The following PRDM5 variants were observed in gnomAD, a reference collection of about 807,000 sequenced individuals.
PRDM5 encodes the protein PR domain zinc finger protein 5.
PRDM5 carries 56 observed loss-of-function variants against 81.2 expected under a neutral mutation model. The ratio of observed to expected loss-of-function variants is 0.69; its 90% confidence interval spans 0.56 to 0.86. PRDM5 has a LOEUF of 0.86. Among genes scored for constraint, PRDM5 ranks in the 40% least tolerant of loss-of-function variants. PRDM5 has a pLI of 0.00. For synonymous variants in PRDM5, 267 were observed against 256.4 expected (o/e 1.04, Z -0.39); for missense variants, 697 against 770.1 (o/e 0.91, Z 1.12).
intron 14 of PRDM5, among the ~76,000 whole-genome samples, chr4:120,721,102 G>A (rs866697051): frequency 5.3e-5 from 8 of 152,168 alleles, no homozygotes; most frequent in African/African-American, 1.9e-4. Flanking sequence ...GCATAGAGGT[G>A]TTAAAAGAGC....
chr4:120,700,923 G>C (rs1007054279), intron 15 of PRDM5, among the ~76,000 whole-genome samples: 1 of 152,068 alleles, frequency 6.6e-6, no homozygotes, highest in South Asian at 2.1e-4. Context: ...TTAGGAGATC[G>C]AGACCAGCCT....
At chr4:120,731,194 G>A (rs1314397517) in intron 14 of PRDM5, among the ~76,000 whole-genome samples, 1 of 152,088 alleles carries the variant, frequency 6.6e-6, no homozygotes, top group Non-Finnish European at 1.5e-5. Flanking sequence ...CGCCCACCAT[G>A]AGCAAGAGAT....
At chr4:120,781,065 A>G in intron 12 of PRDM5, 78 bp downstream of exon 12, 2 of 1,193,052 alleles carry the variant, frequency 1.7e-6, no homozygotes. Flanking sequence ...ATATATAATT[A>G]TCACATGTTA....
intron 15 of PRDM5, among the ~76,000 whole-genome samples, chr4:120,704,823 G>A (rs1268163529): frequency 6.6e-6 from 1 of 152,144 alleles, no homozygotes; most frequent in Admixed American, 6.5e-5. Context: ...CTAAGCGGGG[G>A]AATGATATGA....
chr4:120,837,012 C>T (rs1313628906), intron 3 of PRDM5, among the ~76,000 whole-genome samples: 1 of 152,152 alleles, frequency 6.6e-6, no homozygotes, highest in Non-Finnish European at 1.5e-5. Context: ...TTCTACCCAC[C>T]TGCCTATCAA....
intron 14 of PRDM5, among the ~76,000 whole-genome samples, chr4:120,711,876 T>C (rs1737042177): frequency 6.6e-6 from 1 of 152,218 alleles, no homozygotes; most frequent in Non-Finnish European, 1.5e-5. Flanking sequence ...TATTATTCCA[T>C]TCCAACAGCT....
intron 14 of PRDM5, among the ~76,000 whole-genome samples, chr4:120,747,688 A>C (rs1743342907): frequency 6.6e-6 from 1 of 152,196 alleles, no homozygotes; most frequent in Admixed American, 6.5e-5. Context: ...CAGGGATAAG[A>C]AAGTTCATGA....
chr4:120,743,429 C>A (rs374752838), intron 14 of PRDM5, among the ~76,000 whole-genome samples: 18 of 149,164 alleles, frequency 1.2e-4, no homozygotes, highest in Admixed American at 4.7e-4. Flanking sequence ...ACACATAACA[C>A]TATTAACTTT....
intron 13 of PRDM5, among the ~76,000 whole-genome samples, chr4:120,764,689 C>T (rs1224708261): frequency 1.3e-5 from 2 of 152,066 alleles, no homozygotes; most frequent in Non-Finnish European, 2.9e-5. Flanking sequence ...ACATGCAGTT[C>T]AAGACTTTGC....
rs1275873998 is a variant in PRDM5 at position 120,692,420 on chromosome 4, C to G, written c.*2691G>C. The G allele has an allele frequency of 2.0e-5, 3 of 152,000 alleles. No homozygotes were observed. In the South Asian group the frequency reaches 6.2e-4, roughly 32 times the overall value. The allele number at this position is 152,000 out of a possible 1,614,324, so 9.4% of individuals were successfully genotyped here. A position where few individuals can be genotyped will look rare whatever the true frequency, so the allele number is the denominator to read the frequency against. On this transcript the variant is annotated 3_prime_UTR_variant, in exon 16 of 16. Transcript: ENST00000264808. ...ATAACATGTTAACTATACTATGTAA[C>G]CCCAAGAATTTATCACCAAGAATAC...
intron 10 of PRDM5, 53 bp downstream of exon 10, chr4:120,798,214 A>G (rs2149282611): frequency 7.4e-7 from 1 of 1,358,544 alleles, no homozygotes; most frequent in Non-Finnish European, 1.0e-6. Flanking sequence ...ATAAAAATTG[A>G]AAATCACAGC....
chr4:120,751,077 C>T (rs1743933416), intron 14 of PRDM5, among the ~76,000 whole-genome samples: 1 of 151,770 alleles, frequency 6.6e-6, no homozygotes. Flanking sequence ...AGGGTCTTAC[C>T]CTGTCATTTA....
chr4:120,855,811 A>G (rs1759813721), intron 2 of PRDM5, among the ~76,000 whole-genome samples: 1 of 152,206 alleles, frequency 6.6e-6, no homozygotes, highest in South Asian at 2.1e-4. Flanking sequence ...ACACAAGCTA[A>G]CTAACTTTGT....
intron 14 of PRDM5, among the ~76,000 whole-genome samples, chr4:120,728,454 T>A (rs1053910924): frequency 3.3e-5 from 5 of 152,228 alleles, no homozygotes; most frequent in African/African-American, 9.6e-5. Context: ...TATATACATA[T>A]ATATATTTTT....
intron 3 of PRDM5, among the ~76,000 whole-genome samples, chr4:120,835,417 A>G (rs938642794): frequency 4.6e-5 from 7 of 152,316 alleles, no homozygotes; most frequent in East Asian, 1.9e-4. Context: ...TATTTGAAAG[A>G]GGTAGAATAA....
At chr4:120,901,518 G>A (rs1765225405) in intron 2 of PRDM5, among the ~76,000 whole-genome samples, 2 of 152,120 alleles carry the variant, frequency 1.3e-5, no homozygotes, top group East Asian at 1.9e-4. Context: ...TGACGCACAC[G>A]GCTCTCACAG....
At chr4:120,805,366 C>T (rs568830350) in intron 8 of PRDM5, among the ~76,000 whole-genome samples, 4 of 152,286 alleles carry the variant, frequency 2.6e-5, no homozygotes, top group Non-Finnish European at 4.4e-5. Flanking sequence ...CCAGCATCAT[C>T]CTGATACGAA....
At chr4:120,863,699 G>A (rs982521280) in intron 2 of PRDM5, among the ~76,000 whole-genome samples, 3 of 152,068 alleles carry the variant, frequency 2.0e-5, no homozygotes, top group Non-Finnish European at 2.9e-5. Flanking sequence ...TCCATCTAGC[G>A]ATCAAATAAG....
chr4:120,710,115 A>G (rs1736740516), intron 15 of PRDM5, among the ~76,000 whole-genome samples, 194 bp downstream of exon 15: 1 of 152,164 alleles, frequency 6.6e-6, no homozygotes, highest in Non-Finnish European at 1.5e-5. Flanking sequence ...CCAGATGAAT[A>G]AAATGATTAC....
Sources: allele counts gnomAD v4.1 joint callset (sites outside exome capture counted in the v4.1 genomes callset), GRCh38; gene constraint gnomAD v4.1.1; transcripts MANE v1.5; gene names NCBI Gene and HGNC (gene_info 2026-07-23, HGNC 2026-07-21).